The following KHDRBS2 variants were observed in gnomAD, a reference collection of about 807,000 sequenced individuals.
The protein encoded by KHDRBS2 is KH RNA binding domain containing, signal transduction associated 2, also known as KH domain-containing, RNA-binding, signal transduction-associated protein 2.
A neutral mutation model predicts 44.3 loss-of-function variants in KHDRBS2; 26 were observed. The ratio of observed to expected loss-of-function variants is 0.59; its 90% CI spans 0.43 to 0.81. The LOEUF is 0.81. Among genes scored for constraint, KHDRBS2 ranks in the 40% least tolerant of loss-of-function variants. The pLI is 0.00. For missense variants in KHDRBS2, 476 were observed against 433.1 expected, an observed-to-expected ratio of 1.10 and a Z score of -0.88; for synonymous variants, 194 against 151.1, an observed-to-expected ratio of 1.28 and a Z score of -2.08.
At chr6:61,608,537 C>G in the KHDRBS2 span, among the ~76,000 whole-genome samples, 1 of 151,948 alleles carries the variant, frequency 6.6e-6, no homozygotes, top group Non-Finnish European at 1.5e-5. Context: ...TTGCTGCACT[C>G]ATCAACCCAT....
intron 2 of KHDRBS2, among the ~76,000 whole-genome samples, chr6:62,089,380 T>C (rs1428260372): frequency 2.0e-5 from 3 of 151,920 alleles, no homozygotes; most frequent in African/African-American, 7.3e-5. Flanking sequence ...TGAGGGAATC[T>C]CCTGGTCTGT....
intron 1 of KHDRBS2, among the ~76,000 whole-genome samples, chr6:62,282,238 A>G (rs1841905710): frequency 6.6e-6 from 1 of 152,202 alleles, no homozygotes; most frequent in Admixed American, 6.5e-5. Flanking sequence ...TCTTTTCTTA[A>G]TATTTTTAAG....
intron 1 of KHDRBS2, among the ~76,000 whole-genome samples, chr6:62,266,339 G>A (rs1334934204): frequency 1.3e-5 from 2 of 152,022 alleles, no homozygotes; most frequent in African/African-American, 4.8e-5. Flanking sequence ...GGCAGAGCCT[G>A]CTTCTTTGCC....
chr6:61,878,675 TC>T (rs1249334851), intron 6 of KHDRBS2, among the ~76,000 whole-genome samples: 1 of 151,956 alleles, frequency 6.6e-6, no homozygotes, highest in East Asian at 1.9e-4. Context: ...ATAACTTGAG[TC>T]TATATGTATA....
chr6:62,098,244 GTTTT>G (rs35184806), intron 2 of KHDRBS2, among the ~76,000 whole-genome samples: 1 of 127,838 alleles, frequency 7.8e-6, no homozygotes, highest in African/African-American at 2.9e-5. Flanking sequence ...AGCTTCAAAC[GTTTT>G]TTTTTTTTTT....
intron 3 of KHDRBS2, among the ~76,000 whole-genome samples, chr6:62,017,099 C>G (rs1781353178): frequency 2.0e-5 from 3 of 151,994 alleles, no homozygotes; most frequent in Non-Finnish European, 4.4e-5. Flanking sequence ...ATCAAATGAA[C>G]CAAACAAACA....
chr6:62,021,888 AC>A (rs1177282495), intron 3 of KHDRBS2, among the ~76,000 whole-genome samples: 3 of 151,120 alleles, frequency 2.0e-5, no homozygotes, highest in Non-Finnish European at 3.0e-5. Context: ...TAAAGAGACT[AC>A]GGGTAAATAT....
chr6:61,884,383 C>T lies in KHDRBS2; in HGVS notation c.810+10252G>A, dbSNP rs570258640. Among the ~76,000 whole-genome samples the T allele has an allele frequency of 6.2e-4, 95 of 152,164 alleles. No homozygotes were observed. The Middle Eastern group carries it at 0.02, about 33-fold the overall frequency. On this transcript the variant is annotated intron_variant, in intron 6 of 8. Transcript: ENST00000281156. ...TGAATTTTAATTATATCTCTTCTTG[C>T]TTTGTTGTGTCCCGATACACCTCCT... is the stretch of plus-strand genomic sequence containing the variant.
At chr6:61,551,788 G>A in the KHDRBS2 span, among the ~76,000 whole-genome samples, 27 of 152,066 alleles carry the variant, frequency 1.8e-4, no homozygotes, top group African/African-American at 6.3e-4. Context: ...TTTGAAATTG[G>A]GTAACATGAT....
chr6:61,843,603 G>A (rs1314965676), intron 6 of KHDRBS2, among the ~76,000 whole-genome samples: 1 of 151,836 alleles, frequency 6.6e-6, no homozygotes, highest in Non-Finnish European at 1.5e-5. Flanking sequence ...GACCTCAAGT[G>A]ATCCACCCAC....
At chr6:62,258,262 T>C (rs1454044205) in intron 1 of KHDRBS2, among the ~76,000 whole-genome samples, 1 of 152,010 alleles carries the variant, frequency 6.6e-6, no homozygotes, top group Non-Finnish European at 1.5e-5. Flanking sequence ...TTTCCTCCAG[T>C]CTATAGTAAC....
the KHDRBS2 span, among the ~76,000 whole-genome samples, chr6:61,571,001 A>G: frequency 6.6e-6 from 1 of 151,838 alleles, no homozygotes; most frequent in Non-Finnish European, 1.5e-5. Context: ...TAAAATAATA[A>G]CACAATGAAA....
intron 1 of KHDRBS2, among the ~76,000 whole-genome samples, chr6:62,212,605 G>T (rs1308561128): frequency 6.6e-6 from 1 of 152,150 alleles, no homozygotes; most frequent in Admixed American, 6.6e-5. Flanking sequence ...CTTATAAAAA[G>T]AGGACAGACA....
the KHDRBS2 span, among the ~76,000 whole-genome samples, chr6:61,591,635 G>A: frequency 6.6e-6 from 1 of 152,062 alleles, no homozygotes; most frequent in Non-Finnish European, 1.5e-5. Context: ...ACAAGATGAA[G>A]CAGGAAACCA....
At chr6:62,061,459 C>G (rs1359086269) in intron 2 of KHDRBS2, among the ~76,000 whole-genome samples, 1 of 150,994 alleles carries the variant, frequency 6.6e-6, no homozygotes, top group African/African-American at 2.4e-5. Flanking sequence ...ATATGAAATT[C>G]TGGGTTCAAA....
intron 2 of KHDRBS2, among the ~76,000 whole-genome samples, chr6:62,053,247 C>A: frequency 6.6e-6 from 1 of 151,576 alleles, no homozygotes. Flanking sequence ...CCAATCTATG[C>A]ACCAGAGAAA....
intron 2 of KHDRBS2, among the ~76,000 whole-genome samples, chr6:62,102,140 G>C (rs949651217): frequency 1.3e-5 from 2 of 151,964 alleles, no homozygotes; most frequent in Non-Finnish European, 2.9e-5. Context: ...ATATTCTAAT[G>C]GTAATTATTT....
intron 2 of KHDRBS2, among the ~76,000 whole-genome samples, chr6:62,061,265 G>C (rs993512567): frequency 5.9e-5 from 9 of 151,688 alleles, no homozygotes; most frequent in Non-Finnish European, 1.0e-4. Context: ...TTTCTTCCTA[G>C]TCTCGATGGT....
At chr6:62,176,681 G>T (rs1408608781) in intron 2 of KHDRBS2, among the ~76,000 whole-genome samples, 1 of 151,138 alleles carries the variant, frequency 6.6e-6, no homozygotes, top group Non-Finnish European at 1.5e-5. Flanking sequence ...GTAACATTAA[G>T]AATGATATCA....
Sources: allele counts gnomAD v4.1 joint callset (sites outside exome capture counted in the v4.1 genomes callset), GRCh38; gene constraint gnomAD v4.1.1; transcripts MANE v1.5; gene names NCBI Gene and HGNC (gene_info 2026-07-23, HGNC 2026-07-21).